AKAP6: variants seen among roughly 807,000 people sequenced by gnomAD.
AKAP6 encodes A-kinase anchoring protein 6, also known as A-kinase anchor protein 6.
A neutral mutation model predicts 188.5 loss-of-function variants in AKAP6; 58 were observed. That is an observed-to-expected ratio of 0.31 (90% CI 0.25 to 0.38). The LOEUF (loss-of-function observed/expected upper bound fraction) is 0.38, where lower values mean the gene tolerates loss of function less well. Among genes scored for constraint, AKAP6 ranks in the 10% least tolerant of loss-of-function variants. The pLI, the probability that AKAP6 is intolerant of heterozygous loss-of-function variation, is 1.00. For synonymous variants in AKAP6, 989 were observed against 998.6 expected (o/e 0.99, Z 0.18); for missense variants, 2,710 against 2,740.0 (o/e 0.99, Z 0.24).
chr14:32,540,168 C>CTCTCTCTCTCTCTATATATA (rs1240063339), intron 3 of AKAP6, among the ~76,000 whole-genome samples: 17 of 60,910 alleles, frequency 2.8e-4, no homozygotes, highest in African/African-American at 1.3e-3. Flanking sequence ...CTCTCTCTCT[C>CTCTCTCTCTCTCTATATATA]TATATATATA....
chr14:32,621,477 A>G (rs1037142807), intron 7 of AKAP6, among the ~76,000 whole-genome samples: 1 of 152,140 alleles, frequency 6.6e-6, no homozygotes, highest in Non-Finnish European at 1.5e-5. Context: ...ATGTGTTTGT[A>G]TAATTTTAAG....
At chr14:32,387,158 C>T (rs1888559885) in intron 1 of AKAP6, among the ~76,000 whole-genome samples, 1 of 152,034 alleles carries the variant, frequency 6.6e-6, no homozygotes, top group African/African-American at 2.4e-5. Flanking sequence ...GAAAACTGTG[C>T]TGAATTATTT....
At chr14:32,338,737 G>T (rs557492899) in intron 1 of AKAP6, among the ~76,000 whole-genome samples, 2 of 152,176 alleles carry the variant, frequency 1.3e-5, no homozygotes, top group South Asian at 4.1e-4. Context: ...GGTTCTTAGA[G>T]CCTCATTTTT....
Position 32,823,603 on chromosome 14 carries a change from T to G in AKAP6, c.5790T>G (p.Ser1930Arg), listed in dbSNP as rs1436753674. 3 of 1,613,424 alleles carry G rather than the reference T, an allele frequency of 1.9e-6. No individual in the cohort carries two copies. Among genetic ancestry groups the G allele is most frequent in the Admixed American group, 3.3e-5 (2 of 59,902 alleles). The change falls in exon 13 of 14, where the codon AGT (serine) becomes AGG (arginine). Residue 1930 changes from serine (S) to arginine (R), a missense_variant. By Grantham distance (110) the Ser-to-Arg change is moderately radical. This residue lies in a region of AKAP6 where 2,473 missense variants were observed against 2,426.1 expected (regional missense o/e 1.02). Coordinates refer to ENST00000280979, the MANE Select transcript of AKAP6 (RefSeq NM_004274.5). ...LGSHGKEISE[S>R]EHCKCKALMD... is the part of the protein sequence containing the mutation. Reference sequence around the variant, plus strand: ...CACATGGGAAAGAGATTTCAGAGAGTGAGCATTGTAAGTGTAAAGCACTTA... The same window carrying G: ...CACATGGGAAAGAGATTTCAGAGAGGGAGCATTGTAAGTGTAAAGCACTTA...
chr14:32,710,202 A>G (rs1890985217), intron 9 of AKAP6, among the ~76,000 whole-genome samples: 1 of 151,564 alleles, frequency 6.6e-6, no homozygotes, highest in Non-Finnish European at 1.5e-5. Context: ...GGACCCAAAA[A>G]AAAAAAAAAA....
intron 2 of AKAP6, among the ~76,000 whole-genome samples, chr14:32,443,872 G>A (rs1185742158): frequency 6.6e-6 from 1 of 152,184 alleles, no homozygotes; most frequent in Non-Finnish European, 1.5e-5. Context: ...GAAGTTGTCA[G>A]TGTACCACCT....
chr14:32,815,055 C>A (rs1039048927), intron 12 of AKAP6, among the ~76,000 whole-genome samples: 10 of 152,164 alleles, frequency 6.6e-5, no homozygotes, highest in Non-Finnish European at 1.3e-4. Context: ...GTCCCTGATC[C>A]CTTTTGAGAA....
chr14:32,488,543 T>A (rs944693766), intron 2 of AKAP6, among the ~76,000 whole-genome samples: 4 of 152,232 alleles, frequency 2.6e-5, no homozygotes, highest in South Asian at 2.1e-4. Context: ...ACCGAACAGT[T>A]CTGTCTCACT....
chr14:32,739,459 TG>T (rs2031580855), intron 11 of AKAP6, among the ~76,000 whole-genome samples: 1 of 152,100 alleles, frequency 6.6e-6, no homozygotes, highest in Non-Finnish European at 1.5e-5. Flanking sequence ...TATCAAATAC[TG>T]GGTCTTATTC....
chr14:32,511,449 C>T (rs187440143), intron 2 of AKAP6, among the ~76,000 whole-genome samples: 22 of 149,366 alleles, frequency 1.5e-4, no homozygotes, highest in African/African-American at 5.2e-4. Flanking sequence ...GATCTCAGCT[C>T]ACTGCAACCT....
intron 6 of AKAP6, among the ~76,000 whole-genome samples, chr14:32,600,257 A>T (rs1956216): frequency 0.47 from 70,799 of 151,974 alleles, 17,188 homozygotes; most frequent in East Asian, 0.86. Context: ...TCCATAGACA[A>T]TTTTTATCAT....
chr14:32,443,121 C>T (rs145689021), intron 2 of AKAP6, among the ~76,000 whole-genome samples: 2,085 of 152,226 alleles, frequency 0.014, 23 homozygotes, highest in Non-Finnish European at 0.02. Context: ...TCCGGCCAGG[C>T]GTGGTGTCTC....
intron 13 of AKAP6, 94 bp from the exon 14 acceptor site, chr14:32,829,754 A>G: frequency 5.2e-6 from 3 of 579,928 alleles, no homozygotes; most frequent in Non-Finnish European, 6.1e-6. Context: ...TAGTCCCACA[A>G]TTGCAGCCTT....
At chr14:32,563,530 AG>A (rs1441617337) in intron 4 of AKAP6, among the ~76,000 whole-genome samples, 3 of 152,190 alleles carry the variant, frequency 2.0e-5, no homozygotes, top group African/African-American at 7.2e-5. Flanking sequence ...CCTTGTATAG[AG>A]ATGACTGGTC....
At position 32,545,581 on chromosome 14, in the gene AKAP6, G is replaced by C; in HGVS notation, c.928G>C (p.Asp310His). ...SVDDKGGCEE[D>H]NASAVEEQPG... ...AGACGACAAAGGTGGATGTGAGGAA[G>C]ACAATGCTTCTGCAGTCGAAGAGCA... The change falls in exon 4 of 14, where the codon GAC (aspartate) becomes CAC (histidine). Residue 310 changes from aspartate (D) to histidine (H), a missense_variant. Around this residue, in one of 2 missense-constraint regions of AKAP6, gnomAD observed 2,473 missense variants for 2,426.1 expected, o/e 1.02. Transcript: ENST00000280979. 6.2e-7 allele frequency: 1 copy of C among 1,614,198 alleles called. No homozygotes were observed.
In AKAP6 at chr14:32,540,097, GA is replaced by G. The variant is rs140005041; in HGVS notation, c.576+4302del. ...GAGTAAAATGTCTTGCTTAGAATTA[GA>G]AAAAAAAAAGGAGGGGTGTTCTTTG... On this transcript the variant is annotated intron_variant, in intron 3 of 13. Coordinates refer to ENST00000280979, the MANE Select transcript of AKAP6 (RefSeq NM_004274.5). 7.8e-3 allele frequency among the ~76,000 whole-genome samples: 824 copies of G among 105,234 alleles called. 39 individuals carry two copies. The East Asian group carries it at 0.13, about 17-fold the overall frequency. The allele number at this position is 105,234 out of a possible 152,430, so 69.0% of individuals were successfully genotyped here.
intron 9 of AKAP6, among the ~76,000 whole-genome samples, chr14:32,720,604 T>G (rs2030481156): frequency 6.6e-6 from 1 of 152,216 alleles, no homozygotes; most frequent in African/African-American, 2.4e-5. Flanking sequence ...AGTGTTTTCT[T>G]TTGTTATGTT....
At chr14:32,379,076 G>A (rs937434467) in intron 1 of AKAP6, among the ~76,000 whole-genome samples, 33 of 151,802 alleles carry the variant, frequency 2.2e-4, no homozygotes, top group Admixed American at 1.7e-3. Context: ...GCACCACCAC[G>A]CCTGGCTACT....
intron 1 of AKAP6, among the ~76,000 whole-genome samples, chr14:32,414,646 G>A (rs148371556): frequency 1.1e-4 from 16 of 152,218 alleles, no homozygotes; most frequent in Non-Finnish European, 1.8e-4. Context: ...AGCTCTACTC[G>A]AATGGGTATT....
Sources: allele counts gnomAD v4.1 joint callset (sites outside exome capture counted in the v4.1 genomes callset), GRCh38; gene constraint gnomAD v4.1.1; regional missense constraint gnomAD v4.1.1; transcripts MANE v1.5; gene names NCBI Gene and HGNC (gene_info 2026-07-23, HGNC 2026-07-21).